AKAP8L: variants seen among roughly 807,000 people sequenced by gnomAD.
AKAP8L encodes A-kinase anchoring protein 8 like.
A neutral mutation model predicts 77.5 loss-of-function variants in AKAP8L; 34 were observed. The ratio of observed to expected loss-of-function variants is 0.44; its 90% CI spans 0.33 to 0.58. AKAP8L has a LOEUF of 0.58. Among genes scored for constraint, AKAP8L ranks in the 20% least tolerant of loss-of-function variants. The probability of loss-of-function intolerance (pLI) is 0.02; values close to 1 mark genes in which losing one functional copy is unlikely to be tolerated. For synonymous variants in AKAP8L, 342 were observed against 340.7 expected, an observed-to-expected ratio of 1.00 and a Z score of -0.04; for missense variants, 806 against 887.6, an observed-to-expected ratio of 0.91 and a Z score of 1.17.
chr19:15,409,372 A>G (rs925692616), intron 2 of AKAP8L, among the ~76,000 whole-genome samples: 2 of 152,354 alleles, frequency 1.3e-5, no homozygotes, highest in East Asian at 3.9e-4. Flanking sequence ...GAAGTCAAGC[A>G]AACCAAGTTT....
chr19:15,413,303 TA>T (rs1406204048), intron 1 of AKAP8L, among the ~76,000 whole-genome samples: 1 of 152,248 alleles, frequency 6.6e-6, no homozygotes, highest in African/African-American at 2.4e-5. Context: ...TTCTTTGTCC[TA>T]CTTAGTGCAG....
chr19:15,380,663 G>A (rs1230759674), intron 12 of AKAP8L, 51 bp from the exon 13 acceptor site: 4 of 1,580,346 alleles, frequency 2.5e-6, no homozygotes, highest in Non-Finnish European at 3.5e-6. Flanking sequence ...TGCCCTACAA[G>A]TTGCTGCCCC....
At chr19:15,386,426 T>C (rs1967539830) in intron 12 of AKAP8L, among the ~76,000 whole-genome samples, 1 of 152,116 alleles carries the variant, frequency 6.6e-6, no homozygotes, top group Admixed American at 6.5e-5. Context: ...TCTGAAAATG[T>C]TCCTAAGGAC....
At chr19:15,384,653 GTTATT>G (rs1967491157) in intron 12 of AKAP8L, among the ~76,000 whole-genome samples, 1 of 152,100 alleles carries the variant, frequency 6.6e-6, no homozygotes, top group Admixed American at 6.5e-5. Context: ...ACATTGTGTG[GTTATT>G]TTAAGTAGTT....
Position 15,397,383 on chromosome 19 carries a change from A to T in AKAP8L, c.1406-103T>A, listed in dbSNP as rs1967798198. ...CAGCTCCTCCTCAACTCGCCCTGCC[A>T]CTTCCACCTGGGCCTGAGCCAAGGC... On this transcript the variant is annotated intron_variant, in intron 11 of 13. Transcript: ENST00000397410. The surrounding 1 kb of genome is among the most constrained non-coding windows in gnomAD (Gnocchi z 4.7). 2 of 1,516,366 alleles carry T rather than the reference A, an allele frequency of 1.3e-6. No individual in the cohort carries two copies. Among genetic ancestry groups the T allele is most frequent in the Non-Finnish European group, 1.8e-6 (2 of 1,109,794 alleles). The allele number at this position is 1,516,366 out of a possible 1,614,324, so 93.9% of individuals were successfully genotyped here.
chr19:15,397,040 G>A lies in AKAP8L; in HGVS notation c.1536+110C>T. ...GAAATGTCCATATCCACCTCCTCCTGCCTCCACTGCAGTCCCTCACGGGCT... is the reference window on the plus strand; with the variant it reads ...GAAATGTCCATATCCACCTCCTCCTACCTCCACTGCAGTCCCTCACGGGCT... On this transcript the variant is annotated intron_variant, in intron 12 of 13. Coordinates refer to ENST00000397410, the MANE Select transcript of AKAP8L (RefSeq NM_014371.4). The surrounding 1 kb of genome is among the most constrained non-coding windows in gnomAD (Gnocchi z 4.7). The A allele has an allele frequency of 6.8e-7, 1 of 1,464,402 alleles. No individual in the cohort carries two copies. 90.7% of individuals were successfully genotyped at this position (1,464,402 alleles called of 1,614,324 possible). A position where few individuals can be genotyped will look rare whatever the true frequency, so the allele number is the denominator to read the frequency against.
chr19:15,398,160 G>T lies in AKAP8L; in HGVS notation c.1158-305C>A, dbSNP rs1967817026. On this transcript the variant is annotated intron_variant, in intron 9 of 13. Transcript: ENST00000397410. This position sits in a 1 kb window ranked among gnomAD's most constrained non-coding sequence, Gnocchi z 9.2. ...ACGAGTCGCTGGAAAGTTGCTGGAG[G>T]GCCTCGCTACCAAGGCTGGGCAGGA... is the stretch of plus-strand genomic sequence containing the variant. 2.4e-6 allele frequency: 1 copy of T among 422,206 alleles called. No individual in the cohort carries two copies. Among genetic ancestry groups the T allele is most frequent in the Admixed American group, 3.6e-5 (1 of 27,866 alleles). 26.2% of individuals were successfully genotyped at this position (422,206 alleles called of 1,614,324 possible). A position where few individuals can be genotyped will look rare whatever the true frequency, so the allele number is the denominator to read the frequency against.
chr19:15,392,756 C>T (rs1307484317), intron 12 of AKAP8L, among the ~76,000 whole-genome samples: 1 of 151,360 alleles, frequency 6.6e-6, no homozygotes, highest in Non-Finnish European at 1.5e-5. Context: ...ATTAGCTGGG[C>T]GTGGTGGTGC....
Position 15,380,053 on chromosome 19 carries a change from G to C in AKAP8L, c.*69C>G. On this transcript the variant is annotated 3_prime_UTR_variant, in exon 14 of 14. Transcript: ENST00000397410. ...CAGTAACAGAGAAACCCGGAGGTGG[G>C]ATGGGAAAACTTTATTAGGTTTGGT... 1 of 1,411,212 alleles carries C rather than the reference G, an allele frequency of 7.1e-7. No individual in the cohort carries two copies. The highest frequency in any genetic ancestry group is 9.2e-7 in the Non-Finnish European group (1 of 1,092,860). The allele number at this position is 1,411,212 out of a possible 1,614,324, so 87.4% of individuals were successfully genotyped here.
At position 15,397,561 on chromosome 19, in the gene AKAP8L, C is replaced by T; in HGVS notation, c.1364G>A (p.Gly455Asp). The T allele has an allele frequency of 6.2e-7, 1 of 1,613,814 alleles. No homozygotes were observed. Among genetic ancestry groups the T allele is most frequent in the Non-Finnish European group, 8.5e-7 (1 of 1,179,874 alleles). Residue 455 changes from glycine to aspartate, a missense_variant, in exon 11 of 14, where the codon GGC becomes GAC. Transcript: ENST00000397410. The surrounding 1 kb of genome is among the most constrained non-coding windows in gnomAD (Gnocchi z 4.7). Reference sequence around the variant, plus strand: ...GTCTCTGTAGATTTGCTGGATGAGGCCATCAAGGTCCTCCACGGTTTTTCG... The same window carrying T: ...GTCTCTGTAGATTTGCTGGATGAGGTCATCAAGGTCCTCCACGGTTTTTCG... ...ELRKTVEDLD[G>D]LIQQIYRDQD...
At chr19:15,412,962 T>C (rs1968135669) in intron 1 of AKAP8L, among the ~76,000 whole-genome samples, 1 of 152,246 alleles carries the variant, frequency 6.6e-6, no homozygotes, top group African/African-American at 2.4e-5. Flanking sequence ...AGCCTATGCC[T>C]TTAACAGCTT....
intron 1 of AKAP8L, 149 bp from the exon 2 acceptor site, chr19:15,410,743 C>T (rs942885160): frequency 1.6e-5 from 10 of 628,996 alleles, no homozygotes; most frequent in African/African-American, 1.3e-4. Context: ...TTAATTAGAC[C>T]GTCAGAAAAT....
intron 12 of AKAP8L, among the ~76,000 whole-genome samples, chr19:15,385,284 C>A (rs939887205): frequency 2.0e-5 from 3 of 151,656 alleles, no homozygotes; most frequent in African/African-American, 7.3e-5. Flanking sequence ...GCCTTTCATG[C>A]CATTCTCTTG....
At chr19:15,386,364 A>G (rs1310429043) in intron 12 of AKAP8L, among the ~76,000 whole-genome samples, 2 of 152,182 alleles carry the variant, frequency 1.3e-5, no homozygotes, top group African/African-American at 2.4e-5. Context: ...GTTCCCTGGA[A>G]CACTCCCTAG....
intron 12 of AKAP8L, among the ~76,000 whole-genome samples, chr19:15,391,232 G>A (rs1259545865): frequency 2.0e-5 from 3 of 151,858 alleles, no homozygotes; most frequent in East Asian, 1.9e-4. Flanking sequence ...AGGCCGAGGC[G>A]GGTGGATCAT....
chr19:15,409,416 C>T (rs1457856942), intron 2 of AKAP8L, among the ~76,000 whole-genome samples: 1 of 152,202 alleles, frequency 6.6e-6, no homozygotes, highest in East Asian at 1.9e-4. Context: ...TACCTTCTCA[C>T]TCAATTTCAA....
At position 15,403,628 on chromosome 19, in the gene AKAP8L, T is replaced by A; in HGVS notation, c.209A>T (p.Glu70Val). Residue 70 changes from glutamate (E) to valine (V), a missense_variant, in exon 4 of 14, where the codon GAA (glutamate) becomes GTA (valine). Physicochemically the swap from Glu to Val is moderately radical, Grantham distance 121. This residue lies in a region of AKAP8L where 580 missense variants were observed against 694.1 expected (regional missense o/e 0.84). Transcript: ENST00000397410. The surrounding 1 kb of genome is among the most constrained non-coding windows in gnomAD (Gnocchi z 4.3). Reference sequence around the variant, plus strand: ...TGCATTTGTGTCAGAGCTAGGCATTTCCCAAGAGTGTGAAGTGGCCATACC... The same window carrying A: ...TGCATTTGTGTCAGAGCTAGGCATTACCCAAGAGTGTGAAGTGGCCATACC... ...GYGMATSHSW[E>V]MPSSDTNANT... 1 of 1,613,964 alleles carries A rather than the reference T, an allele frequency of 6.2e-7. No homozygotes were observed. Among genetic ancestry groups the A allele is most frequent in the South Asian group, 1.1e-5 (1 of 91,076 alleles).
At chr19:15,412,849 C>T (rs1281082837) in intron 1 of AKAP8L, among the ~76,000 whole-genome samples, 1 of 152,166 alleles carries the variant, frequency 6.6e-6, no homozygotes, top group African/African-American at 2.4e-5. Context: ...GCCAGAAATA[C>T]ATATTTTTGA....
chr19:15,403,844 T>G lies in AKAP8L; in HGVS notation c.122-129A>C. 9.3e-7 allele frequency: 1 copy of G among 1,076,946 alleles called. No homozygotes were observed. The highest frequency in any genetic ancestry group is 1.4e-6 in the Non-Finnish European group (1 of 728,206). The allele number at this position is 1,076,946 out of a possible 1,614,324, so 66.7% of individuals were successfully genotyped here. A position where few individuals can be genotyped will look rare whatever the true frequency, so the allele number is the denominator to read the frequency against. On this transcript the variant is annotated intron_variant, in intron 3 of 13. Transcript: ENST00000397410. The surrounding 1 kb of genome is among the most constrained non-coding windows in gnomAD (Gnocchi z 4.3). Reference sequence around the variant, plus strand: ...GAGAGAAGACCCTAGCCACTGAAGCTAGATGGGCCCTGGTCATTCTGATGA... The same window carrying G: ...GAGAGAAGACCCTAGCCACTGAAGCGAGATGGGCCCTGGTCATTCTGATGA...
Sources: gnomAD v4.1 joint callset for allele counts (sites outside exome capture counted in the v4.1 genomes callset) on GRCh38, gnomAD v4.1.1 for gene constraint, gnomAD v4.1.1 regional missense constraint, Gnocchi (gnomAD v3.1) non-coding constraint, MANE v1.5 for transcripts, NCBI Gene and HGNC (gene_info 2026-07-23, HGNC 2026-07-21) for gene names.